KLF12: variants seen among roughly 807,000 people sequenced by gnomAD.
KLF12 encodes the protein Krueppel-like factor 12.
In KLF12, 9 loss-of-function variants were observed where a neutral mutation model predicts 37.8. The observed-to-expected ratio is 0.24, with a 90% CI of 0.14 to 0.42. KLF12 has a LOEUF of 0.42. Among genes scored for constraint, KLF12 ranks in the 10% least tolerant of loss-of-function variants. The probability of loss-of-function intolerance (pLI) is 1.00; values close to 1 mark genes in which losing one functional copy is unlikely to be tolerated. For synonymous variants in KLF12, 208 were observed against 202.1 expected (o/e 1.03, Z -0.25); for missense variants, 411 against 516.0 (o/e 0.80, Z 1.97).
At chr13:73,759,089 T>C (rs1879375757) in intron 6 of KLF12, among the ~76,000 whole-genome samples, 1 of 152,300 alleles carries the variant, frequency 6.6e-6, no homozygotes, top group African/African-American at 2.4e-5. Context: ...CTTCTTTTTA[T>C]TGTAATTCAG....
chr13:74,036,901 TA>T (rs1470109890), intron 1 of KLF12, among the ~76,000 whole-genome samples: 1 of 152,172 alleles, frequency 6.6e-6, no homozygotes, highest in East Asian at 1.9e-4. Context: ...CTTGGTCACA[TA>T]AGCGTAAAAG....
intron 1 of KLF12, among the ~76,000 whole-genome samples, chr13:74,122,727 G>T (rs146549054): frequency 6.6e-6 from 1 of 151,994 alleles, no homozygotes; most frequent in East Asian, 1.9e-4. Flanking sequence ...AGTAGCAGCT[G>T]AGAAGGATTT....
chr13:73,975,219 AC>A (rs1353612722), intron 2 of KLF12, among the ~76,000 whole-genome samples: 1 of 152,132 alleles, frequency 6.6e-6, no homozygotes, highest in Admixed American at 6.5e-5. Flanking sequence ...GCTCGAGAAC[AC>A]TCGTTCTACT....
At chr13:74,185,546 A>G in the KLF12 span, among the ~76,000 whole-genome samples, 1 of 152,234 alleles carries the variant, frequency 6.6e-6, no homozygotes, top group Non-Finnish European at 1.5e-5. Context: ...GCTGTTGCAC[A>G]GAATAGAATT....
intron 3 of KLF12, among the ~76,000 whole-genome samples, chr13:73,878,154 A>G (rs992958331): frequency 2.0e-5 from 3 of 152,220 alleles, no homozygotes; most frequent in East Asian, 1.9e-4. Flanking sequence ...TTAATGGGTC[A>G]TAAGAGTTAC....
intron 6 of KLF12, among the ~76,000 whole-genome samples, chr13:73,738,884 T>A (rs940251373): frequency 9.9e-5 from 15 of 152,154 alleles, no homozygotes; most frequent in African/African-American, 3.6e-4. Flanking sequence ...ACTGTGCCAC[T>A]ATGGACAAGT....
chr13:74,076,876 T>G (rs9530273), intron 1 of KLF12, among the ~76,000 whole-genome samples: 1 of 151,872 alleles, frequency 6.6e-6, no homozygotes, highest in East Asian at 1.9e-4. Flanking sequence ...AGCTCCCACT[T>G]GTAATTGAGA....
rs142256493 is a variant in KLF12, at chr13:73,790,620, G to A, written c.806+22532C>T. 1.1e-3 allele frequency among the ~76,000 whole-genome samples: 162 copies of A among 152,312 alleles called. 1 individual carries two copies. Among genetic ancestry groups the A allele is most frequent in the Middle Eastern group, 3.4e-3 (1 of 294 alleles). On this transcript the variant is annotated intron_variant, in intron 5 of 7. Transcript: ENST00000377669. The stretch of plus-strand genomic sequence containing the variant: ...TTCTATCTGCTGCATGCAGTGTTGC[G>A]CATGGTCCTGGGGGCTGACACTGCA...
the KLF12 span, among the ~76,000 whole-genome samples, chr13:74,214,464 G>T: frequency 6.6e-6 from 1 of 152,184 alleles, no homozygotes; most frequent in African/African-American, 2.4e-5. Context: ...GGAGATCTGA[G>T]AATGCTTTTA....
intron 3 of KLF12, among the ~76,000 whole-genome samples, chr13:73,903,652 A>G (rs111522147): frequency 0.047 from 7,112 of 152,142 alleles, 380 homozygotes; most frequent in African/African-American, 0.13. Context: ...ATCTTCAACT[A>G]CTCTTGAACT....
chr13:73,789,580 A>G (rs973830127), intron 5 of KLF12, among the ~76,000 whole-genome samples: 4 of 152,034 alleles, frequency 2.6e-5, no homozygotes, highest in Non-Finnish European at 5.9e-5. Flanking sequence ...GCAGGGACTA[A>G]TATCTTCTGT....
chr13:74,131,357 C>A (rs1878251203), intron 1 of KLF12, among the ~76,000 whole-genome samples: 1 of 152,236 alleles, frequency 6.6e-6, no homozygotes, highest in East Asian at 1.9e-4. Flanking sequence ...GTCAAGCATC[C>A]CGATTTGTTC....
chr13:74,227,890 T>A, the KLF12 span, among the ~76,000 whole-genome samples: 7 of 152,180 alleles, frequency 4.6e-5, no homozygotes, highest in Non-Finnish European at 1.5e-5. Flanking sequence ...TAATATAATT[T>A]TTTAAGAAAT....
chr13:74,232,698 A>G, the KLF12 span, among the ~76,000 whole-genome samples: 1 of 152,226 alleles, frequency 6.6e-6, no homozygotes, highest in Admixed American at 6.5e-5. Flanking sequence ...ATAAATATAC[A>G]CTGTATATGA....
chr13:74,011,194 G>C lies in KLF12; in HGVS notation c.-31-16141C>G, dbSNP rs868178172. 5.4e-4 allele frequency among the ~76,000 whole-genome samples: 74 copies of C among 135,956 alleles called. 1 individual carries two copies. Among genetic ancestry groups the C allele is most frequent in the African/African-American group, 2.0e-3 (71 of 36,008 alleles). The allele number at this position is 135,956 out of a possible 152,430, so 89.2% of individuals were successfully genotyped here. On this transcript the variant is annotated intron_variant, in intron 1 of 7. Coordinates refer to ENST00000377669, the MANE Select transcript of KLF12 (RefSeq NM_007249.5). ...CCTTTCCAATTAAATCTCTAGTGTA[G>C]TTAAAAATAAAGGAGGACTCGATTT... is the stretch of plus-strand genomic sequence containing the variant.
At chr13:73,886,743 G>A (rs1021813635) in intron 3 of KLF12, among the ~76,000 whole-genome samples, 1 of 152,286 alleles carries the variant, frequency 6.6e-6, no homozygotes, top group East Asian at 1.9e-4. Context: ...TGTAATCCCA[G>A]CACTTTTGGA....
intron 5 of KLF12, among the ~76,000 whole-genome samples, chr13:73,798,830 A>G (rs1052887452): frequency 1.3e-5 from 2 of 152,214 alleles, no homozygotes; most frequent in African/African-American, 4.8e-5. Context: ...AAAATGGCTC[A>G]ACCATTGTGG....
the KLF12 span, among the ~76,000 whole-genome samples, chr13:74,197,118 T>G: frequency 1.3e-5 from 2 of 152,130 alleles, no homozygotes; most frequent in African/African-American, 4.8e-5. Flanking sequence ...CAGAATTTAT[T>G]TTTTACAGCA....
intron 7 of KLF12, among the ~76,000 whole-genome samples, chr13:73,711,214 T>A (rs144614352): frequency 2.0e-5 from 3 of 152,308 alleles, no homozygotes; most frequent in African/African-American, 7.2e-5. Flanking sequence ...AAGTGCAAGT[T>A]GTAGCAGCAA....
Sources: allele counts gnomAD v4.1 joint callset (sites outside exome capture counted in the v4.1 genomes callset), GRCh38; gene constraint gnomAD v4.1.1; transcripts MANE v1.5; gene names NCBI Gene and HGNC (gene_info 2026-07-23, HGNC 2026-07-21).